The following TENM3 variants were observed in gnomAD, a reference collection of about 807,000 sequenced individuals.
TENM3 encodes teneurin-3.
Under a neutral mutation model 255.1 loss-of-function variants are expected in TENM3, and 63 were observed. The observed-to-expected ratio is 0.25, with a 90% CI of 0.20 to 0.30. The LOEUF (loss-of-function observed/expected upper bound fraction) is 0.30. Ranked by LOEUF, TENM3 falls within the 10% of genes least tolerant of loss-of-function variation. TENM3 has a pLI of 1.00. For synonymous variants in TENM3, 1,306 were observed against 1,322.3 expected (o/e 0.99, Z 0.27); for missense variants, 2,929 against 3,461.1 (o/e 0.85, Z 3.86).
intron 3 of TENM3, among the ~76,000 whole-genome samples, chr4:182,493,310 A>G (rs533172707): frequency 6.6e-6 from 1 of 152,316 alleles, no homozygotes; most frequent in Non-Finnish European, 1.5e-5. Flanking sequence ...TATGTATTCA[A>G]AGGAGACAAG....
chr4:182,754,772 G>A lies in TENM3; in HGVS notation c.4405G>A (p.Ala1469Thr). Residue 1469 changes from alanine to threonine, a missense_variant, in exon 22 of 28, where the codon GCC (alanine) becomes ACC (threonine). Physicochemically the swap from Ala to Thr is moderately conservative, Grantham distance 58. Around this residue, in one of 6 missense-constraint regions of TENM3, gnomAD observed 1,608 missense variants for 1,884.4 expected, o/e 0.85. Coordinates refer to ENST00000511685, the MANE Select transcript of TENM3 (RefSeq NM_001080477.4). The surrounding 1 kb of genome is among the most constrained non-coding windows in gnomAD (Gnocchi z 5.1). ...YQSGDGYAKDAKLSAPSSLAA... is the reference protein window; with the variant it reads ...YQSGDGYAKDTKLSAPSSLAA... ...GAGTGGAGATGGCTACGCCAAGGAT[G>A]CCAAACTCAGTGCCCCATCCTCCCT... is the stretch of plus-strand genomic sequence containing the variant. 1.2e-6 allele frequency: 2 copies of A among 1,614,076 alleles called. No individual in the cohort carries two copies. Among genetic ancestry groups the A allele is most frequent in the South Asian group, 1.1e-5 (1 of 91,088 alleles).
chr4:182,769,746 T>G (rs1764027688), intron 22 of TENM3, among the ~76,000 whole-genome samples: 2 of 150,692 alleles, frequency 1.3e-5, no homozygotes, highest in African/African-American at 4.9e-5. Context: ...ATCGCACCAC[T>G]GTACTCTAGC....
Position 182,800,112 on chromosome 4 carries a change from C to T in TENM3, c.7861C>T (p.Leu2621=), listed in dbSNP as rs1766823262. The change falls in exon 28 of 28, where the codon CTG becomes TTG. Residue 2621 remains leucine (L), a synonymous_variant. Coordinates refer to ENST00000511685, the MANE Select transcript of TENM3 (RefSeq NM_001080477.4). ...CCTGGACGAGGAGAAGGCGCGCATC[C>T]TGGAGCAGGCGCGGCAGCGCGCGCT... is the stretch of plus-strand genomic sequence containing the variant. ...MTLDEEKARI[L]EQARQRALAR... is the part of the protein sequence containing the mutation. 6.5e-7 allele frequency: 1 copy of T among 1,548,020 alleles called. No homozygotes were observed. The highest frequency in any genetic ancestry group is 2.4e-5 in the East Asian group (1 of 42,094).
the TENM3 span, among the ~76,000 whole-genome samples, chr4:181,692,091 G>A: frequency 6.6e-6 from 1 of 152,136 alleles, no homozygotes; most frequent in Non-Finnish European, 1.5e-5. Flanking sequence ...GCACATGGAT[G>A]AACGAATTGA....
the TENM3 span, among the ~76,000 whole-genome samples, chr4:181,765,604 A>G: frequency 2.0e-3 from 305 of 152,330 alleles, 6 homozygotes; most frequent in African/African-American, 6.6e-3. Context: ...CTTTGGGGAA[A>G]AAACAGCTAC....
At chr4:182,240,258 G>A (rs997798003), upstream of TENM3, among the ~76,000 whole-genome samples, 1 of 152,118 alleles carries the variant, frequency 6.6e-6, no homozygotes, top group Admixed American at 6.5e-5. Flanking sequence ...AGGCCTGCTT[G>A]TGTTGGGCTT....
chr4:182,377,470 G>A (rs1161971780), intron 3 of TENM3, among the ~76,000 whole-genome samples: 1 of 151,942 alleles, frequency 6.6e-6, no homozygotes, highest in African/African-American at 2.4e-5. Flanking sequence ...TCCACCACTA[G>A]GCCAGGCTAA....
chr4:181,637,652 C>T, the TENM3 span, among the ~76,000 whole-genome samples: 1 of 152,192 alleles, frequency 6.6e-6, no homozygotes, highest in Non-Finnish European at 1.5e-5. Flanking sequence ...CCTGCCTCCT[C>T]CTACAATCAC....
chr4:181,448,224 T>G, the TENM3 span, among the ~76,000 whole-genome samples: 3 of 130,754 alleles, frequency 2.3e-5, no homozygotes, highest in Non-Finnish European at 4.7e-5. Flanking sequence ...TGGAGTGCAG[T>G]GGCGCGATCT....
intron 1 of TENM3, among the ~76,000 whole-genome samples, chr4:182,177,958 GTTTTTTTT>G (rs56256529): frequency 8.5e-6 from 1 of 117,132 alleles, no homozygotes; most frequent in African/African-American, 3.1e-5. Context: ...TTTGGTTTTT[GTTTTTTTT>G]TTTTTTTTTG....
the TENM3 span, among the ~76,000 whole-genome samples, chr4:182,107,662 A>G: frequency 6.6e-6 from 1 of 152,220 alleles, no homozygotes; most frequent in Non-Finnish European, 1.5e-5. Context: ...CTTTTAAAGA[A>G]GGACAGGTAC....
chr4:182,577,709 CTA>C (rs1386548683), intron 3 of TENM3, among the ~76,000 whole-genome samples: 6 of 152,104 alleles, frequency 3.9e-5, no homozygotes, highest in Admixed American at 1.3e-4. Flanking sequence ...TTTGGGGAAT[CTA>C]TTTTTATTAG....
intron 3 of TENM3, among the ~76,000 whole-genome samples, chr4:182,442,786 A>ATGTG (rs750639444): frequency 0.01 from 1,499 of 148,282 alleles, 22 homozygotes; most frequent in African/African-American, 0.035. Flanking sequence ...GTGTGTACAT[A>ATGTG]TGTGTGTGTG....
chr4:182,355,150 C>T (rs983675138), intron 3 of TENM3, among the ~76,000 whole-genome samples: 5 of 152,046 alleles, frequency 3.3e-5, no homozygotes, highest in Admixed American at 2.6e-4. Flanking sequence ...GAATGTTTCA[C>T]AAAGAAGGAA....
chr4:181,555,265 T>G, the TENM3 span, among the ~76,000 whole-genome samples: 1 of 152,200 alleles, frequency 6.6e-6, no homozygotes, highest in African/African-American at 2.4e-5. Flanking sequence ...CGCAGACTGG[T>G]GCAACGCCAC....
chr4:181,833,752 G>A, the TENM3 span, among the ~76,000 whole-genome samples: 170 of 151,500 alleles, frequency 1.1e-3, 1 homozygote, highest in South Asian at 2.1e-4. Flanking sequence ...AATTAGTCAC[G>A]TTCTTAACAA....
chr4:181,598,441 AT>A, the TENM3 span, among the ~76,000 whole-genome samples: 3 of 152,088 alleles, frequency 2.0e-5, no homozygotes, highest in Admixed American at 6.6e-5. Context: ...AACAAAGCTC[AT>A]TTTTTCCCCT....
intron 1 of TENM3, among the ~76,000 whole-genome samples, chr4:182,304,861 C>T (rs1335634078): frequency 2.6e-5 from 4 of 152,058 alleles, no homozygotes; most frequent in South Asian, 4.2e-4. Context: ...TTGCAGCCAC[C>T]GTACTTCGGC....
At chr4:182,341,470 C>A (rs1476128952) in intron 2 of TENM3, among the ~76,000 whole-genome samples, 1 of 152,128 alleles carries the variant, frequency 6.6e-6, no homozygotes, top group African/African-American at 2.4e-5. Context: ...AACTTGCATT[C>A]TTTTTCTACT....
Sources: gnomAD v4.1 joint callset for allele counts (sites outside exome capture counted in the v4.1 genomes callset) on GRCh38, gnomAD v4.1.1 for gene constraint, gnomAD v4.1.1 regional missense constraint, Gnocchi (gnomAD v3.1) non-coding constraint, MANE v1.5 for transcripts, NCBI Gene and HGNC (gene_info 2026-07-23, HGNC 2026-07-21) for gene names.